Variants in TTC39C observed in about 807,000 individuals in gnomAD.
TTC39C encodes the protein tetratricopeptide repeat domain 39C, also known as tetratricopeptide repeat protein 39C.
TTC39C carries 33 observed loss-of-function variants against 76.3 expected under a neutral mutation model. That is an observed-to-expected ratio of 0.43 (90% CI 0.33 to 0.58). The LOEUF (loss-of-function observed/expected upper bound fraction) is 0.58, where lower values mean the gene tolerates loss of function less well. Among genes scored for constraint, TTC39C ranks in the 20% least tolerant of loss-of-function variants. The pLI, the probability that TTC39C is intolerant of heterozygous loss-of-function variation, is 0.04. For synonymous variants in TTC39C, 254 were observed against 260.6 expected, an observed-to-expected ratio of 0.97 and a Z score of 0.24; for missense variants, 595 against 701.4, an observed-to-expected ratio of 0.85 and a Z score of 1.71.
At chr18:24,126,845 CA>C (rs1034367320) in intron 10 of TTC39C, among the ~76,000 whole-genome samples, 1 of 152,076 alleles carries the variant, frequency 6.6e-6, no homozygotes, top group Non-Finnish European at 1.5e-5. Flanking sequence ...TTGCATAATT[CA>C]AAACCCCTCC....
rs1555776460 is a variant in TTC39C, at chr18:24,103,943, T to TTTG, written c.985-10608_985-10606dup. Among the ~76,000 whole-genome samples, 176 of 151,680 alleles carry TTTG rather than the reference T, an allele frequency of 1.2e-3. 2 individuals carry two copies. Among genetic ancestry groups the TTTG allele is most frequent in the African/African-American group, 4.1e-3 (170 of 41,160 alleles). On this transcript the variant is annotated intron_variant, in intron 6 of 13. Coordinates refer to ENST00000317571, the MANE Select transcript of TTC39C (RefSeq NM_001135993.2). ...ACATTCTCTCTCTGTTTTTTTTTTT[T>TTTG]TTGTTTGAGACGGAGTCTTGTTCTG...
intron 6 of TTC39C, among the ~76,000 whole-genome samples, chr18:24,087,767 T>C (rs769186612): frequency 2.0e-5 from 3 of 152,004 alleles, no homozygotes; most frequent in African/African-American, 7.2e-5. Flanking sequence ...GTATTATTAG[T>C]AGAGATGGGG....
At chr18:24,122,023 C>T (rs2084973993) in intron 8 of TTC39C, among the ~76,000 whole-genome samples, 2 of 152,202 alleles carry the variant, frequency 1.3e-5, no homozygotes, top group African/African-American at 4.8e-5. Context: ...TCAGCCTCAT[C>T]ACTCTTAATC....
intron 1 of TTC39C, among the ~76,000 whole-genome samples, chr18:24,054,014 G>A (rs899234709): frequency 2.0e-5 from 3 of 152,150 alleles, no homozygotes; most frequent in African/African-American, 7.2e-5. Flanking sequence ...AATTTTGAAA[G>A]GGATGCATTA....
At chr18:24,018,943 T>A (rs2083487854) in intron 1 of TTC39C, among the ~76,000 whole-genome samples, 1 of 152,178 alleles carries the variant, frequency 6.6e-6, no homozygotes, top group Admixed American at 6.5e-5. Context: ...TCAGGTTTAC[T>A]TTGCTACTGG....
rs915004962 is a variant in TTC39C at position 24,074,498 on chromosome 18, T to C, written c.460+5227T>C. Among the ~76,000 whole-genome samples, 10 of 152,252 alleles carry C rather than the reference T, an allele frequency of 6.6e-5. No homozygotes were observed. The East Asian group carries it at 7.7e-4, about 12-fold the overall frequency. ...AAAGGTAATGCCATTCAGGAAGATA[T>C]TGGGATTGGAGAAGTGAGCCTATTA... On this transcript the variant is annotated intron_variant, in intron 4 of 13. Transcript: ENST00000317571.
chr18:24,069,262 G>C lies in TTC39C; in HGVS notation c.451G>C (p.Glu151Gln), dbSNP rs771599545. Residue 151 changes from glutamate (E) to glutamine (Q), a missense_variant, in exon 4 of 14, where the codon GAA (glutamate) becomes CAA (glutamine). Coordinates refer to ENST00000317571, the MANE Select transcript of TTC39C (RefSeq NM_001135993.2). ...YLAVLSFVKQELSAYIKGGWI... is the reference protein window; with the variant it reads ...YLAVLSFVKQQLSAYIKGGWI... ...GGCTGTGCTTTCATTTGTAAAACAA[G>C]AATTGTCAGGTATGCTGAAGCATTA... 4 of 1,613,144 alleles carry C rather than the reference G, an allele frequency of 2.5e-6. No individual in the cohort carries two copies.
At chr18:24,130,448 A>AT (rs772917852) in intron 12 of TTC39C, 31 bp downstream of exon 12, 1 of 910,914 alleles carries the variant, frequency 1.1e-6, no homozygotes, top group African/African-American at 1.8e-5. Flanking sequence ...TATAATATAT[A>AT]TTTTTAATGT....
intron 6 of TTC39C, among the ~76,000 whole-genome samples, chr18:24,101,166 A>G (rs574793333): frequency 2.8e-4 from 42 of 152,294 alleles, no homozygotes; most frequent in Non-Finnish European, 5.7e-4. Flanking sequence ...TGAATATACT[A>G]AAAACCACTT....
At chr18:24,104,767 C>T (rs918630654) in intron 6 of TTC39C, among the ~76,000 whole-genome samples, 7 of 151,436 alleles carry the variant, frequency 4.6e-5, no homozygotes, top group African/African-American at 1.7e-4. Flanking sequence ...AAAGTACAGT[C>T]TCTTGTTCTT....
intron 12 of TTC39C, among the ~76,000 whole-genome samples, chr18:24,130,704 G>T (rs2145832927): frequency 6.6e-6 from 1 of 152,064 alleles, no homozygotes; most frequent in South Asian, 2.1e-4. Context: ...AAACATCATA[G>T]AGTACTTACA....
chr18:24,065,879 C>T (rs181240620), intron 2 of TTC39C, 133 bp from the exon 3 acceptor site: 34 of 892,116 alleles, frequency 3.8e-5, no homozygotes, highest in Admixed American at 2.4e-4. Flanking sequence ...ATAGATTATG[C>T]TGTAACATTG....
Position 24,135,441 on chromosome 18 carries a change from C to G in TTC39C, c.*2867C>G, listed in dbSNP as rs1291166455. On this transcript the variant is annotated 3_prime_UTR_variant, in exon 14 of 14. Transcript: ENST00000317571. ...ACAACAAAACCACAGTGTGAGTACA[C>G]TGTCCCATTAGGTTGACTGAAGTCT... 6.5e-6 allele frequency: 1 copy of G among 153,176 alleles called. No homozygotes were observed. Among genetic ancestry groups the G allele is most frequent in the African/African-American group, 2.4e-5 (1 of 41,446 alleles). The allele number at this position is 153,176 out of a possible 1,614,324, so 9.5% of individuals were successfully genotyped here. A position where few individuals can be genotyped will look rare whatever the true frequency, so the allele number is the denominator to read the frequency against.
At chr18:24,131,482 G>A (rs898116642) in intron 12 of TTC39C, among the ~76,000 whole-genome samples, 1 of 152,112 alleles carries the variant, frequency 6.6e-6, no homozygotes, top group Non-Finnish European at 1.5e-5. Context: ...GGAGGCCAAG[G>A]TGGGTGGATC....
At chr18:24,060,574 C>T (rs1466405302) in intron 1 of TTC39C, among the ~76,000 whole-genome samples, 2 of 152,156 alleles carry the variant, frequency 1.3e-5, no homozygotes, top group Admixed American at 1.3e-4. Context: ...TCCCAAAGTG[C>T]TAGGATTACA....
intron 1 of TTC39C, chr18:24,022,605 T>C (rs6508099): frequency 1 from 985,034 of 985,396 alleles, 492,336 homozygotes; most frequent in East Asian, 1. Context: ...GTTCCTTCAG[T>C]AATATGCAGA....
At chr18:24,107,891 G>GGA (rs944941025) in intron 6 of TTC39C, among the ~76,000 whole-genome samples, 6 of 145,256 alleles carry the variant, frequency 4.1e-5, no homozygotes, top group Non-Finnish European at 5.9e-5. Flanking sequence ...CCCAAGTAGG[G>GGA]GGGGGGGTAC....
intron 6 of TTC39C, among the ~76,000 whole-genome samples, chr18:24,105,744 GAC>G (rs1207469151): frequency 7.2e-5 from 11 of 152,358 alleles, no homozygotes; most frequent in South Asian, 2.1e-4. Flanking sequence ...GGACACCCCT[GAC>G]CGTTGGTGTC....
chr18:23,994,930 C>T (rs945811803), intron 1 of TTC39C, among the ~76,000 whole-genome samples: 3 of 151,948 alleles, frequency 2.0e-5, no homozygotes, highest in Non-Finnish European at 4.4e-5. Flanking sequence ...TAATTATAAT[C>T]CACAAGATTT....
Sources: gnomAD v4.1 joint callset for allele counts (sites outside exome capture counted in the v4.1 genomes callset) on GRCh38, gnomAD v4.1.1 for gene constraint, MANE v1.5 for transcripts, NCBI Gene and HGNC (gene_info 2026-07-23, HGNC 2026-07-21) for gene names.